The following SORCS3 variants were observed in gnomAD, a reference collection of about 807,000 sequenced individuals.
SORCS3 encodes the protein VPS10 domain-containing receptor SorCS3.
SORCS3 carries 57 observed loss-of-function variants against 146.3 expected under a neutral mutation model. That is an observed-to-expected ratio of 0.39 (90% CI 0.31 to 0.49). SORCS3 has a LOEUF of 0.49. SORCS3 is among the 20% of genes least tolerant of loss of function. SORCS3 has a pLI of 0.92. For synonymous variants in SORCS3, 653 were observed against 618.5 expected (o/e 1.06, Z -0.83); for missense variants, 1,341 against 1,575.5 (o/e 0.85, Z 2.52).
intron 5 of SORCS3, among the ~76,000 whole-genome samples, chr10:105,053,779 G>A (rs2055428326): frequency 6.6e-6 from 1 of 151,646 alleles, no homozygotes; most frequent in South Asian, 2.1e-4. Context: ...TCATTCTTTT[G>A]TTATTTGATA....
intron 5 of SORCS3, among the ~76,000 whole-genome samples, chr10:105,055,881 A>G (rs2055442716): frequency 1.3e-5 from 2 of 152,220 alleles, no homozygotes; most frequent in Admixed American, 1.3e-4. Context: ...TTCAAAAGTC[A>G]TCAAACTAAA....
intron 1 of SORCS3, among the ~76,000 whole-genome samples, chr10:104,781,626 C>T (rs1208552185): frequency 6.6e-6 from 1 of 152,104 alleles, no homozygotes; most frequent in African/African-American, 2.4e-5. Flanking sequence ...ACAGAACAAA[C>T]AAAAAATGAT....
chr10:104,971,019 T>G (rs995510156), intron 3 of SORCS3, among the ~76,000 whole-genome samples: 1 of 152,180 alleles, frequency 6.6e-6, no homozygotes, highest in Non-Finnish European at 1.5e-5. Flanking sequence ...ATTCACTTGC[T>G]TATTTAGGAA....
chr10:105,080,181 C>T (rs1328255623), intron 5 of SORCS3, among the ~76,000 whole-genome samples: 1 of 152,138 alleles, frequency 6.6e-6, no homozygotes, highest in Admixed American at 6.5e-5. Flanking sequence ...TACCAACGTG[C>T]ATAGGTATTC....
At chr10:104,953,685 T>A (rs2019457630) in intron 3 of SORCS3, among the ~76,000 whole-genome samples, 3 of 152,338 alleles carry the variant, frequency 2.0e-5, no homozygotes, top group Admixed American at 1.3e-4. Flanking sequence ...GATCTTAGAC[T>A]TCCCTTTCTG....
intron 1 of SORCS3, among the ~76,000 whole-genome samples, chr10:104,827,280 C>T (rs1589514517): frequency 6.6e-6 from 1 of 152,020 alleles, no homozygotes; most frequent in South Asian, 2.1e-4. Flanking sequence ...TTTATGGCAA[C>T]ATAGTTTTAT....
chr10:104,727,209 C>T (rs1043652293), intron 1 of SORCS3, among the ~76,000 whole-genome samples: 5 of 152,062 alleles, frequency 3.3e-5, no homozygotes, highest in African/African-American at 7.2e-5. Flanking sequence ...AATAAATTAC[C>T]ATTGAATAAA....
intron 2 of SORCS3, among the ~76,000 whole-genome samples, chr10:104,871,242 C>A (rs1282581567): frequency 1.3e-5 from 2 of 152,162 alleles, no homozygotes; most frequent in Non-Finnish European, 2.9e-5. Flanking sequence ...GAAACCAATG[C>A]ACAGGGAACA....
At chr10:104,916,113 A>G (rs1054064500) in intron 3 of SORCS3, among the ~76,000 whole-genome samples, 181 bp downstream of exon 3, 1 of 152,236 alleles carries the variant, frequency 6.6e-6, no homozygotes, top group Admixed American at 6.5e-5. Flanking sequence ...AATAATAATA[A>G]TAGTGACAGC....
rs1264697704 is a variant in SORCS3 at position 105,167,239 on chromosome 10, G to A, written c.1810-19G>A. The A allele has an allele frequency of 2.5e-6, 4 of 1,569,686 alleles. No homozygotes were observed. In the South Asian group the frequency reaches 3.3e-5, roughly 13 times the overall value. ...GTAAGGTGTTGCTATGATTGTTGTT[G>A]TTGTTGTTGTTGTTCCAGATCTTTG... On this transcript the variant is annotated intron_variant, in intron 12 of 26. Transcript: ENST00000369701.
intron 1 of SORCS3, among the ~76,000 whole-genome samples, chr10:104,687,859 G>A (rs932273375): frequency 6.6e-6 from 1 of 152,112 alleles, no homozygotes; most frequent in African/African-American, 2.4e-5. Flanking sequence ...GACAATAATA[G>A]TACTGAAAAC....
At chr10:104,675,802 AATCTT>A (rs1294721270) in intron 1 of SORCS3, among the ~76,000 whole-genome samples, 2 of 152,208 alleles carry the variant, frequency 1.3e-5, no homozygotes, top group Non-Finnish European at 2.9e-5. Context: ...TAAGTTTGCC[AATCTT>A]ATCTTTTTTT....
chr10:104,696,440 T>G (rs373182570), intron 1 of SORCS3, among the ~76,000 whole-genome samples: 3 of 49,062 alleles, frequency 6.1e-5, no homozygotes, highest in African/African-American at 2.1e-4. Flanking sequence ...ATAGAATATA[T>G]AATATATAGA....
In SORCS3 at chr10:105,116,170, T is replaced by C. The variant is rs575884494; in HGVS notation, c.1212+10655T>C. ...GTGATCTGATTGCAAAGTAATGATA[T>C]TTAGTTGACCTTTGTATGGAGCATA... On this transcript the variant is annotated intron_variant, in intron 7 of 26. Transcript: ENST00000369701. Among the ~76,000 whole-genome samples the C allele has an allele frequency of 2.6e-5, 4 of 152,310 alleles. No homozygotes were observed. In the East Asian group the frequency reaches 5.8e-4, roughly 22 times the overall value.
At chr10:104,930,457 A>G (rs1051046540) in intron 3 of SORCS3, among the ~76,000 whole-genome samples, 1 of 152,234 alleles carries the variant, frequency 6.6e-6, no homozygotes, top group African/African-American at 2.4e-5. Context: ...GTGGAAAGGG[A>G]TGTGTTTCCT....
chr10:105,257,306 C>T (rs1056583457), intron 25 of SORCS3, among the ~76,000 whole-genome samples: 7 of 152,156 alleles, frequency 4.6e-5, no homozygotes, highest in African/African-American at 1.7e-4. Flanking sequence ...GAAAATGCAA[C>T]TAAAATTTGA....
intron 7 of SORCS3, among the ~76,000 whole-genome samples, chr10:105,132,232 T>A (rs562120255): frequency 6.6e-6 from 1 of 152,268 alleles, no homozygotes; most frequent in South Asian, 2.1e-4. Context: ...TACACAGGAA[T>A]GGTTGGCATA....
chr10:105,236,887 C>T (rs2056795644), intron 20 of SORCS3, among the ~76,000 whole-genome samples: 1 of 152,028 alleles, frequency 6.6e-6, no homozygotes, highest in Non-Finnish European at 1.5e-5. Flanking sequence ...TATTTGAAAT[C>T]TACTGTGTAT....
chr10:105,260,308 T>C (rs2056953268), intron 25 of SORCS3, among the ~76,000 whole-genome samples: 1 of 152,338 alleles, frequency 6.6e-6, no homozygotes, highest in South Asian at 2.1e-4. Flanking sequence ...CTAATAAATA[T>C]TACGGTTGAT....
Sources: allele counts gnomAD v4.1 joint callset (sites outside exome capture counted in the v4.1 genomes callset), GRCh38; gene constraint gnomAD v4.1.1; transcripts MANE v1.5; gene names NCBI Gene and HGNC (gene_info 2026-07-23, HGNC 2026-07-21).